The following CA10 variants were observed in gnomAD, a reference collection of about 807,000 sequenced individuals.
CA10 encodes carbonic anhydrase 10 (inactive).
Under a neutral mutation model 44.2 loss-of-function variants are expected in CA10, and 14 were observed. The ratio of observed to expected loss-of-function variants is 0.32; its 90% CI spans 0.21 to 0.50. CA10 has a LOEUF of 0.50. Ranked by LOEUF, CA10 falls within the 20% of genes least tolerant of loss-of-function variation. The pLI is 0.99. For missense variants in CA10, 350 were observed against 409.7 expected (o/e 0.85, Z 1.26); for synonymous variants, 159 against 141.6 (o/e 1.12, Z -0.87).
At position 52,121,702 on chromosome 17, in the gene CA10, A is replaced by T. The variant is rs915918547; in HGVS notation, c.61+36024T>A. Among the ~76,000 whole-genome samples, 12 of 137,090 alleles carry T rather than the reference A, an allele frequency of 8.8e-5. No homozygotes were observed. In the East Asian group the frequency reaches 2.6e-3, roughly 30 times the overall value. The allele number at this position is 137,090 out of a possible 152,430, so 89.9% of individuals were successfully genotyped here. ...GATACACACACACACACACACACACACCAGGGCAAAATATTAACTTCCAAT... is the reference window on the plus strand; with the variant it reads ...GATACACACACACACACACACACACTCCAGGGCAAAATATTAACTTCCAAT... On this transcript the variant is annotated intron_variant, in intron 1 of 8. Coordinates refer to ENST00000451037, the MANE Select transcript of CA10 (RefSeq NM_020178.5).
At chr17:51,776,175 C>A (rs143598675) in intron 3 of CA10, among the ~76,000 whole-genome samples, 3 of 152,072 alleles carry the variant, frequency 2.0e-5, no homozygotes. Flanking sequence ...GCCTGACCAA[C>A]GTGGCAAAAG....
intron 2 of CA10, among the ~76,000 whole-genome samples, chr17:51,975,939 C>T (rs1984449112): frequency 6.9e-6 from 1 of 144,322 alleles, no homozygotes; most frequent in African/African-American, 2.6e-5. Context: ...TCTTTAAACA[C>T]AAAGACACAG....
chr17:51,932,454 T>C (rs905133603), intron 2 of CA10, among the ~76,000 whole-genome samples: 2 of 152,186 alleles, frequency 1.3e-5, no homozygotes, highest in African/African-American at 2.4e-5. Context: ...TTATTTGTTA[T>C]AGGCAACTGT....
chr17:51,866,763 T>C (rs1390454654), intron 3 of CA10, among the ~76,000 whole-genome samples: 1 of 152,236 alleles, frequency 6.6e-6, no homozygotes, highest in African/African-American at 2.4e-5. Context: ...TCTAACATAG[T>C]CACATGGTTT....
At chr17:51,825,401 C>T (rs1159514480) in intron 3 of CA10, among the ~76,000 whole-genome samples, 1 of 152,016 alleles carries the variant, frequency 6.6e-6, no homozygotes, top group Non-Finnish European at 1.5e-5. Context: ...CAGCACTGCT[C>T]ATGAATTAAC....
At chr17:51,911,903 T>A (rs1456128638) in intron 3 of CA10, among the ~76,000 whole-genome samples, 1 of 152,192 alleles carries the variant, frequency 6.6e-6, no homozygotes, top group Non-Finnish European at 1.5e-5. Flanking sequence ...GCACCTACTA[T>A]GTGCCAAATA....
chr17:51,849,163 GTATATA>G (rs199891093), intron 3 of CA10, among the ~76,000 whole-genome samples: 26 of 90,264 alleles, frequency 2.9e-4, no homozygotes, highest in African/African-American at 1.0e-3. Context: ...ATACATATAT[GTATATA>G]TATATACATA....
chr17:51,645,458 A>G (rs1321803572), intron 6 of CA10, among the ~76,000 whole-genome samples: 3 of 152,224 alleles, frequency 2.0e-5, no homozygotes. Flanking sequence ...CACTGGAGGT[A>G]CCATGTTCAG....
chr17:51,902,014 G>A (rs1981338252), intron 3 of CA10, among the ~76,000 whole-genome samples: 1 of 152,102 alleles, frequency 6.6e-6, no homozygotes, highest in Non-Finnish European at 1.5e-5. Context: ...ACTAATAGCT[G>A]CTGGTTCTCA....
intron 3 of CA10, among the ~76,000 whole-genome samples, chr17:51,869,494 G>T (rs1026317743): frequency 4.6e-5 from 7 of 152,162 alleles, no homozygotes; most frequent in African/African-American, 1.7e-4. Context: ...ATAAAACACA[G>T]CAGTAAACTT....
chr17:51,702,378 C>T (rs1915630602), intron 4 of CA10, among the ~76,000 whole-genome samples: 1 of 152,080 alleles, frequency 6.6e-6, no homozygotes, highest in Non-Finnish European at 1.5e-5. Context: ...ACTACTGGGC[C>T]TCTGCTTTTC....
intron 7 of CA10, among the ~76,000 whole-genome samples, chr17:51,634,697 G>A (rs1912746271): frequency 6.6e-6 from 1 of 152,092 alleles, no homozygotes; most frequent in South Asian, 2.1e-4. Context: ...AAAAAACACT[G>A]CACATTCAAA....
intron 4 of CA10, among the ~76,000 whole-genome samples, chr17:51,655,204 C>T (rs376688668): frequency 6.6e-6 from 1 of 152,222 alleles, no homozygotes; most frequent in Non-Finnish European, 1.5e-5. Context: ...TTCTCAGTTG[C>T]ACAAACACCC....
intron 3 of CA10, among the ~76,000 whole-genome samples, chr17:51,809,002 T>C (rs973694244): frequency 6.6e-6 from 1 of 152,114 alleles, no homozygotes. Flanking sequence ...CTCATATTAC[T>C]AATAACTTTA....
chr17:51,636,146 T>C lies in CA10; in HGVS notation c.635-137A>G, dbSNP rs1486692803. On this transcript the variant is annotated intron_variant, in intron 6 of 8. Transcript: ENST00000451037. ...CACACAGATATATATGTATTTCTTT[T>C]GGAATTCCAGAAGACTCTATCTGTC... The C allele has an allele frequency of 8.5e-6, 4 of 469,318 alleles. No homozygotes were observed. The East Asian group carries it at 1.1e-4, about 12-fold the overall frequency. The allele number at this position is 469,318 out of a possible 1,614,324, so 29.1% of individuals were successfully genotyped here.
chr17:51,921,095 A>T (rs1167395304), intron 3 of CA10, among the ~76,000 whole-genome samples: 1 of 152,174 alleles, frequency 6.6e-6, no homozygotes, highest in Non-Finnish European at 1.5e-5. Context: ...CTTTAGGAGG[A>T]TTTACATCCT....
intron 2 of CA10, among the ~76,000 whole-genome samples, chr17:52,031,202 T>G (rs1043649005): frequency 4.0e-5 from 6 of 150,252 alleles, no homozygotes; most frequent in Non-Finnish European, 3.0e-5. Flanking sequence ...CAGGCTGGAG[T>G]GCAGTGGCAT....
intron 4 of CA10, among the ~76,000 whole-genome samples, chr17:51,661,321 G>C (rs1913999908): frequency 6.6e-6 from 1 of 152,178 alleles, no homozygotes; most frequent in African/African-American, 2.4e-5. Flanking sequence ...CAAGGCGCTT[G>C]GCTGAACTGG....
intron 2 of CA10, among the ~76,000 whole-genome samples, chr17:51,991,531 C>G (rs1454436754): frequency 6.6e-6 from 1 of 152,038 alleles, no homozygotes; most frequent in South Asian, 2.1e-4. Context: ...TTTGTTAAGC[C>G]AAACGTGGTG....
Sources: gnomAD v4.1 joint callset for allele counts (sites outside exome capture counted in the v4.1 genomes callset) on GRCh38, gnomAD v4.1.1 for gene constraint, MANE v1.5 for transcripts, NCBI Gene and HGNC (gene_info 2026-07-23, HGNC 2026-07-21) for gene names.